The following DTNB variants were observed in gnomAD, a reference collection of about 807,000 sequenced individuals.
DTNB encodes DTN-B.
A neutral mutation model predicts 90.7 loss-of-function variants in DTNB; 63 were observed. The ratio of observed to expected loss-of-function variants is 0.69; its 90% CI spans 0.57 to 0.86. The LOEUF (loss-of-function observed/expected upper bound fraction) is 0.86, where lower values mean the gene tolerates loss of function less well. Among genes scored for constraint, DTNB ranks in the 40% least tolerant of loss-of-function variants. The pLI is 0.00. For synonymous variants in DTNB, 277 were observed against 286.7 expected (o/e 0.97, Z 0.34); for missense variants, 744 against 807.1 (o/e 0.92, Z 0.95).
chr2:25,595,836 A>C (rs950313587), intron 6 of DTNB, among the ~76,000 whole-genome samples: 1 of 152,166 alleles, frequency 6.6e-6, no homozygotes, highest in Non-Finnish European at 1.5e-5. Context: ...ACTTGTTCTT[A>C]AACATTTTTC....
At chr2:25,418,559 T>C (rs71439176) in intron 16 of DTNB, among the ~76,000 whole-genome samples, 31,662 of 151,272 alleles carry the variant, frequency 0.21, 3,822 homozygotes, top group Non-Finnish European at 0.27. Context: ...ATTAGCTGGG[T>C]GTGGTGGTGC....
Position 25,629,411 on chromosome 2 carries a change from C to T in DTNB, c.149-1027G>A, listed in dbSNP as rs146110399. 3.5e-3 allele frequency among the ~76,000 whole-genome samples: 535 copies of T among 152,266 alleles called. 20 individuals are homozygous for T. The East Asian group carries it at 0.074, about 21-fold the overall frequency. ...ATAGCACAAGAAAAGATGGCTGGTG[C>T]GGACCCAAATATGTCAGTTAACTGC... On this transcript the variant is annotated intron_variant, in intron 3 of 20. Transcript: ENST00000406818.
intron 2 of DTNB, among the ~76,000 whole-genome samples, chr2:25,639,603 A>G (rs1335630491): frequency 2.9e-5 from 4 of 137,926 alleles, no homozygotes; most frequent in East Asian, 2.0e-4. Flanking sequence ...TGTATTTTCC[A>G]AAAAAAAAAA....
At chr2:25,381,703 C>T (rs747820636) in intron 19 of DTNB, among the ~76,000 whole-genome samples, 3 of 152,244 alleles carry the variant, frequency 2.0e-5, no homozygotes, top group Non-Finnish European at 4.4e-5. Context: ...GTCCGTGCCA[C>T]ATATGTCATT....
intron 9 of DTNB, among the ~76,000 whole-genome samples, chr2:25,501,267 C>T (rs2150565690): frequency 6.6e-6 from 1 of 151,946 alleles, no homozygotes; most frequent in East Asian, 1.9e-4. Flanking sequence ...GGCTTGAGTG[C>T]AGTGGCAGGA....
At chr2:25,532,654 T>TA (rs1377937540) in intron 8 of DTNB, among the ~76,000 whole-genome samples, 1 of 152,244 alleles carries the variant, frequency 6.6e-6, no homozygotes, top group East Asian at 1.9e-4. Flanking sequence ...AGGCTCCTTT[T>TA]ATACAGATTA....
intron 16 of DTNB, among the ~76,000 whole-genome samples, chr2:25,402,887 A>C (rs1473901923): frequency 6.6e-6 from 1 of 152,260 alleles, no homozygotes; most frequent in Non-Finnish European, 1.5e-5. Context: ...TATGCTAAGA[A>C]TTAAAGAGTG....
At chr2:25,520,851 T>C (rs919933664) in intron 9 of DTNB, among the ~76,000 whole-genome samples, 3 of 152,252 alleles carry the variant, frequency 2.0e-5, no homozygotes, top group African/African-American at 7.2e-5. Context: ...TAGAGCCACA[T>C]TAAAGTATTA....
intron 7 of DTNB, among the ~76,000 whole-genome samples, chr2:25,577,902 A>G (rs1289972174): frequency 6.6e-6 from 1 of 152,182 alleles, no homozygotes; most frequent in East Asian, 1.9e-4. Context: ...TGGGAGGCTG[A>G]GGCTGGAGAA....
rs115042761 is a variant in DTNB, at chr2:25,453,466, G to C, written c.1170-1831C>G. On this transcript the variant is annotated intron_variant, in intron 11 of 20. Transcript: ENST00000406818. The stretch of plus-strand genomic sequence containing the variant: ...AGATTACTAATCAAGAAGTCATGTA[G>C]TACTCACTCACTCATCATGTTCTCC... Among the ~76,000 whole-genome samples the C allele has an allele frequency of 7.2e-5, 11 of 152,242 alleles. No homozygotes were observed. The East Asian group carries it at 2.1e-3, about 29-fold the overall frequency.
At chr2:25,500,352 A>T (rs1251529490) in intron 9 of DTNB, among the ~76,000 whole-genome samples, 1 of 152,228 alleles carries the variant, frequency 6.6e-6, no homozygotes, top group African/African-American at 2.4e-5. Flanking sequence ...CATTTGGGAT[A>T]GCAAAAATCT....
intron 8 of DTNB, among the ~76,000 whole-genome samples, chr2:25,572,023 T>C (rs565264853): frequency 6.6e-6 from 1 of 152,128 alleles, no homozygotes; most frequent in South Asian, 2.1e-4. Flanking sequence ...CAGAGCACCC[T>C]TGCCTCCTCC....
At chr2:25,501,461 T>C (rs2070691143) in intron 9 of DTNB, among the ~76,000 whole-genome samples, 1 of 152,116 alleles carries the variant, frequency 6.6e-6, no homozygotes, top group African/African-American at 2.4e-5. Context: ...CTCACCGCAA[T>C]CTCCACCTCC....
chr2:25,604,399 TTC>T (rs112805986), intron 5 of DTNB, among the ~76,000 whole-genome samples: 57 of 149,276 alleles, frequency 3.8e-4, no homozygotes, highest in Admixed American at 1.1e-3. Context: ...TCTCCCTTCT[TTC>T]TCTCTCTCTC....
rs2039757038 is a variant in DTNB, at chr2:25,387,301, C to G, written c.1813G>C (p.Glu605Gln). 1 of 1,610,442 alleles carries G rather than the reference C, an allele frequency of 6.2e-7. No individual in the cohort carries two copies. Among genetic ancestry groups the G allele is most frequent in the African/African-American group, 1.3e-5 (1 of 74,978 alleles). ...CTCTGGGTTTCACCTGAATGGAGCTCCTTCACCAGGGATGACATGGTGTTG... is the reference window on the plus strand; with the variant it reads ...CTCTGGGTTTCACCTGAATGGAGCTGCTTCACCAGGGATGACATGGTGTTG... ...ITNTMSSLVK[E>Q]LHSAEEGAEE... Residue 605 changes from glutamate to glutamine, a missense_variant, in exon 18 of 21, where the codon GAG becomes CAG. Coordinates refer to ENST00000406818, the MANE Select transcript of DTNB (RefSeq NM_021907.5). This position sits in a 1 kb window ranked among gnomAD's most constrained non-coding sequence, Gnocchi z 4.5.
At chr2:25,543,571 T>C (rs1402352564) in intron 8 of DTNB, among the ~76,000 whole-genome samples, 2 of 152,190 alleles carry the variant, frequency 1.3e-5, no homozygotes, top group African/African-American at 4.8e-5. Flanking sequence ...CCTAAAGTGC[T>C]GGGATTATAG....
At chr2:25,405,759 G>A (rs544540427) in intron 16 of DTNB, among the ~76,000 whole-genome samples, 1 of 152,250 alleles carries the variant, frequency 6.6e-6, no homozygotes, top group Admixed American at 6.5e-5. Flanking sequence ...AATGCCTGCT[G>A]ACTCCTGCTA....
intron 4 of DTNB, among the ~76,000 whole-genome samples, chr2:25,615,913 G>C (rs2070308469): frequency 6.6e-6 from 1 of 152,134 alleles, no homozygotes; most frequent in South Asian, 2.1e-4. Flanking sequence ...TTCTTATGTT[G>C]AAAAAGTCCC....
At chr2:25,628,540 T>C (rs952590650) in intron 3 of DTNB, among the ~76,000 whole-genome samples, 156 bp from the exon 4 acceptor site, 1 of 152,138 alleles carries the variant, frequency 6.6e-6, no homozygotes, top group South Asian at 2.1e-4. Context: ...ATAAAGAACA[T>C]CAGTCCCAGA....
Sources: gnomAD v4.1 joint callset for allele counts (sites outside exome capture counted in the v4.1 genomes callset) on GRCh38, gnomAD v4.1.1 for gene constraint, Gnocchi (gnomAD v3.1) non-coding constraint, MANE v1.5 for transcripts, NCBI Gene and HGNC (gene_info 2026-07-23, HGNC 2026-07-21) for gene names.